SPRY3: variants seen among roughly 807,000 people sequenced by gnomAD.
SPRY3 encodes sprouty RTK signaling antagonist 3.
In SPRY3, 15 loss-of-function variants were observed where a neutral mutation model predicts 20.2. That is an observed-to-expected ratio of 0.74 (90% confidence interval 0.50 to 1.14). SPRY3 has a LOEUF of 1.14. Ranked by LOEUF, SPRY3 falls within the 50% of genes most tolerant of loss-of-function variation. The pLI, the probability that SPRY3 is intolerant of heterozygous loss-of-function variation, is 0.00. For synonymous variants in SPRY3, 143 were observed against 136.5 expected, an observed-to-expected ratio of 1.05 and a Z score of -0.33; for missense variants, 364 against 363.9, an observed-to-expected ratio of 1.00 and a Z score of 0.00.
At chrX:155,669,656 G>T (rs782158860) in intron 2 of SPRY3, 1 of 111,673 alleles carries the variant, frequency 9.0e-6, no homozygotes, top group Non-Finnish European at 1.9e-5. Context: ...GTAATTTATT[G>T]TATTAACCAA....
At chrX:155,721,020 G>T (rs1335094888) in intron 2 of SPRY3, among the ~76,000 whole-genome samples, 3 of 152,090 alleles carry the variant, frequency 2.0e-5, no homozygotes, top group Non-Finnish European at 4.4e-5. Context: ...CTGTTTTGAG[G>T]ACTCTCAAAT....
At chrX:155,775,906 A>C (rs1455985914) in exon 4 of SPRY3, 1 of 167,074 alleles carries the variant, frequency 6.0e-6, no homozygotes, top group Admixed American at 6.5e-5. Flanking sequence ...AGGAATCTTA[A>C]CTATTAATCT....
At chrX:155,654,446 T>G (rs376595152) in intron 1 of SPRY3, among the ~76,000 whole-genome samples, 2 of 110,937 alleles carry the variant, frequency 1.8e-5, no homozygotes. Context: ...CTTATATCCT[T>G]AGGTAATTTT....
intron 2 of SPRY3, among the ~76,000 whole-genome samples, chrX:155,737,232 GT>G (rs1478189554): frequency 6.6e-6 from 1 of 152,064 alleles, no homozygotes; most frequent in East Asian, 1.9e-4. Flanking sequence ...CAGACTGGTT[GT>G]TTTTTTGTTC....
intron 2 of SPRY3, among the ~76,000 whole-genome samples, chrX:155,723,083 T>G (rs1364363437): frequency 6.6e-6 from 1 of 152,162 alleles, no homozygotes; most frequent in African/African-American, 2.4e-5. Flanking sequence ...GTTTCCAGCT[T>G]CATCCACGTC....
At chrX:155,695,454 A>G (rs1020765675) in intron 2 of SPRY3, among the ~76,000 whole-genome samples, 3 of 109,744 alleles carry the variant, frequency 2.7e-5, no homozygotes, top group African/African-American at 9.9e-5. Flanking sequence ...GTGCCTAGGA[A>G]TTTTTTTTAA....
chrX:155,638,324 A>G (rs181162537), intron 1 of SPRY3, among the ~76,000 whole-genome samples: 29 of 992 alleles, frequency 0.029, no homozygotes, highest in Non-Finnish European at 0.087. Flanking sequence ...ATATATATAT[A>G]TATATATATA....
intron 2 of SPRY3, among the ~76,000 whole-genome samples, chrX:155,766,512 G>C (rs184546915): frequency 6.6e-6 from 1 of 152,218 alleles, no homozygotes; most frequent in Non-Finnish European, 1.5e-5. Context: ...TTATAGATGA[G>C]GTAACCAAAG....
chrX:155,762,354 A>G (rs894530837), intron 2 of SPRY3, among the ~76,000 whole-genome samples: 3 of 152,228 alleles, frequency 2.0e-5, no homozygotes, highest in African/African-American at 7.2e-5. Context: ...CAAATTAAAA[A>G]GTGATAAATA....
intron 1 of SPRY3, among the ~76,000 whole-genome samples, chrX:155,652,205 C>T (rs782374114): frequency 2.2e-4 from 24 of 111,505 alleles, no homozygotes; most frequent in East Asian, 2.8e-4. Flanking sequence ...TAGATTTGGG[C>T]GGGGACACAA....
intron 2 of SPRY3, among the ~76,000 whole-genome samples, chrX:155,696,250 T>C (rs2068118373): frequency 9.2e-6 from 1 of 108,881 alleles, no homozygotes; most frequent in African/African-American, 3.3e-5. Context: ...TATATACATA[T>C]ATATACAGAG....
At chrX:155,753,315 T>C (rs1941257847) in intron 2 of SPRY3, among the ~76,000 whole-genome samples, 1 of 16 alleles carries the variant, frequency 0.062, no homozygotes, top group African/African-American at 0.17. Context: ...ATTTGCATTT[T>C]CTGGACATTC....
chrX:155,739,356 C>T (rs929946280), intron 2 of SPRY3, among the ~76,000 whole-genome samples: 2 of 152,146 alleles, frequency 1.3e-5, no homozygotes, highest in Admixed American at 6.5e-5. Flanking sequence ...ACTGTCTCTG[C>T]AGTTCAGCTG....
chrX:155,745,828 A>T (rs1476743502), intron 2 of SPRY3, among the ~76,000 whole-genome samples: 1 of 152,066 alleles, frequency 6.6e-6, no homozygotes, highest in East Asian at 1.9e-4. Context: ...CCTAGTAGTG[A>T]TAAAAGCTCA....
chrX:155,649,687 G>A (rs1450738807), intron 1 of SPRY3, among the ~76,000 whole-genome samples: 9 of 111,366 alleles, frequency 8.1e-5, no homozygotes, highest in African/African-American at 2.0e-4. Context: ...AGAGCTGGAA[G>A]CATTCCCTTT....
chrX:155,761,395 T>C (rs1464577396), intron 2 of SPRY3, among the ~76,000 whole-genome samples: 1 of 152,206 alleles, frequency 6.6e-6, no homozygotes, highest in Non-Finnish European at 1.5e-5. Context: ...TTCTTTTTCA[T>C]GGCTGCATAG....
chrX:155,729,704 T>A, intron 2 of SPRY3, among the ~76,000 whole-genome samples: 1 of 147,734 alleles, frequency 6.8e-6, no homozygotes, highest in South Asian at 2.1e-4. Context: ...AAAATAAAGA[T>A]CAGAACAAAA....
chrX:155,688,838 A>G (rs1215672750), intron 2 of SPRY3, among the ~76,000 whole-genome samples: 3 of 65,277 alleles, frequency 4.6e-5, no homozygotes, highest in Non-Finnish European at 8.1e-5. Context: ...CCCTCCTCCG[A>G]CAGGCCCCAG....
At chrX:155,752,943 C>T in intron 2 of SPRY3, among the ~76,000 whole-genome samples, 1 of 151,866 alleles carries the variant, frequency 6.6e-6, no homozygotes, top group Non-Finnish European at 1.5e-5. Context: ...TTTATTGCAG[C>T]ATTTTTGTAA....
Sources: allele counts gnomAD v4.1 joint callset (sites outside exome capture counted in the v4.1 genomes callset), GRCh38; gene constraint gnomAD v4.1.1; transcripts MANE v1.5; gene names NCBI Gene and HGNC (gene_info 2026-07-23, HGNC 2026-07-21).